GSG1L: variants seen among roughly 807,000 people sequenced by gnomAD.
GSG1L encodes the protein germ cell-specific gene 1-like protein.
A neutral mutation model predicts 42.1 loss-of-function variants in GSG1L; 24 were observed. The ratio of observed to expected loss-of-function variants is 0.57; its 90% CI spans 0.41 to 0.80. The LOEUF (loss-of-function observed/expected upper bound fraction) is 0.80, where lower values mean the gene tolerates loss of function less well. Among genes scored for constraint, GSG1L ranks in the 30% least tolerant of loss-of-function variants. The pLI is 0.00. For missense variants in GSG1L, 445 were observed against 472.2 expected (o/e 0.94, Z 0.53); for synonymous variants, 215 against 203.5 (o/e 1.06, Z -0.48).
intron 3 of GSG1L, among the ~76,000 whole-genome samples, chr16:27,849,907 T>C (rs1596554473): frequency 6.6e-6 from 1 of 150,888 alleles, no homozygotes; most frequent in Admixed American, 6.6e-5. Flanking sequence ...TAGGATGACA[T>C]CAAGAGTTTG....
At chr16:27,894,445 A>G (rs963053897) in intron 2 of GSG1L, among the ~76,000 whole-genome samples, 1 of 152,252 alleles carries the variant, frequency 6.6e-6, no homozygotes, top group South Asian at 2.1e-4. Flanking sequence ...CTCAAGACAC[A>G]GTGGCCTTTC....
At chr16:27,796,998 G>A (rs1024830513) in intron 6 of GSG1L, among the ~76,000 whole-genome samples, 3 of 152,156 alleles carry the variant, frequency 2.0e-5, no homozygotes, top group African/African-American at 7.2e-5. Flanking sequence ...CACTCCTGCT[G>A]TGTGCCAGGA....
chr16:27,956,772 A>C (rs1445864589), intron 2 of GSG1L, among the ~76,000 whole-genome samples: 1 of 152,110 alleles, frequency 6.6e-6, no homozygotes, highest in Non-Finnish European at 1.5e-5. Flanking sequence ...ACATGAGCTA[A>C]ACTCAAGAAA....
intron 6 of GSG1L, among the ~76,000 whole-genome samples, chr16:27,802,235 A>G (rs2082891094): frequency 2.0e-5 from 3 of 152,142 alleles, no homozygotes; most frequent in Admixed American, 6.5e-5. Flanking sequence ...ATTCGTCTCC[A>G]TGCTCCCAGG....
intron 1 of GSG1L, among the ~76,000 whole-genome samples, chr16:28,035,730 C>T (rs945315786): frequency 1.3e-5 from 2 of 152,170 alleles, no homozygotes; most frequent in African/African-American, 4.8e-5. Flanking sequence ...TCAGAGATTT[C>T]CTCATACAAC....
chr16:28,010,662 G>A (rs2085706821), intron 1 of GSG1L, among the ~76,000 whole-genome samples: 1 of 152,064 alleles, frequency 6.6e-6, no homozygotes, highest in Admixed American at 6.6e-5. Context: ...CCTCTGACAG[G>A]AGAAGCCATC....
intron 3 of GSG1L, among the ~76,000 whole-genome samples, chr16:27,868,385 G>A (rs1416611740): frequency 6.6e-6 from 1 of 152,228 alleles, no homozygotes; most frequent in African/African-American, 2.4e-5. Flanking sequence ...CATTTATTAA[G>A]CATCCTCTGT....
rs532099287 is a variant in GSG1L, at chr16:27,851,236, G to T, written c.551-6175C>A. Among the ~76,000 whole-genome samples, 55 of 152,248 alleles carry T rather than the reference G, an allele frequency of 3.6e-4. 1 individual carries two copies. The South Asian group carries it at 0.011, about 32-fold the overall frequency. ...TTTTAAGACAGGGTCTCGCTCTGTT[G>T]CCCGGGCTGGAGTGTAGGAGCACCA... On this transcript the variant is annotated intron_variant, in intron 3 of 6. Coordinates refer to ENST00000447459, the MANE Select transcript of GSG1L (RefSeq NM_001109763.2).
intron 1 of GSG1L, among the ~76,000 whole-genome samples, chr16:28,045,867 G>A (rs1306039812): frequency 6.6e-6 from 1 of 151,956 alleles, no homozygotes; most frequent in African/African-American, 2.4e-5. Flanking sequence ...ATGGTGGCAG[G>A]TGCCTGTAAT....
chr16:27,963,013 C>T lies in GSG1L; in HGVS notation c.397+143G>A, dbSNP rs578165245. On this transcript the variant is annotated intron_variant, in intron 2 of 6. Coordinates refer to ENST00000447459, the MANE Select transcript of GSG1L (RefSeq NM_001109763.2). ...AGAGCTCAAGAAACTCAGGGCTTTG[C>T]AACAGGGTGTCTGGCTCCCAGGGCC... The T allele has an allele frequency of 1.9e-4, 132 of 686,580 alleles. 1 individual carries two copies. The African/African-American group carries it at 2.2e-3, about 11-fold the overall frequency. The allele number at this position is 686,580 out of a possible 1,614,324, so 42.5% of individuals were successfully genotyped here. A position where few individuals can be genotyped will look rare whatever the true frequency, so the allele number is the denominator to read the frequency against.
chr16:27,917,681 T>G (rs1260994603), intron 2 of GSG1L, among the ~76,000 whole-genome samples: 1 of 152,176 alleles, frequency 6.6e-6, no homozygotes. Flanking sequence ...AGATGAGAAT[T>G]AAACCATCTT....
At chr16:27,909,025 G>A (rs375624211) in intron 2 of GSG1L, among the ~76,000 whole-genome samples, 24 of 152,054 alleles carry the variant, frequency 1.6e-4, no homozygotes, top group Non-Finnish European at 2.5e-4. Context: ...CTTACCAGCC[G>A]TAGGGACCTG....
Position 27,979,663 on chromosome 16 carries a change from G to GAAAGAAAGAAAGAAAGAAAGAA in GSG1L, c.350-16461_350-16460insTTCTTTCTTTCTTTCTTTCTTT, listed in dbSNP as rs35672057. Among the ~76,000 whole-genome samples, 293 of 83,682 alleles carry GAAAGAAAGAAAGAAAGAAAGAA rather than the reference G, an allele frequency of 3.5e-3. 14 individuals carry two copies. The highest frequency in any genetic ancestry group is 5.5e-3 in the South Asian group (9 of 1,624). The allele number at this position is 83,682 out of a possible 152,430, so 54.9% of individuals were successfully genotyped here. The stretch of plus-strand genomic sequence containing the variant: ...GAGGGGAAAGAAAGAAAGAAAGAAA[G>GAAAGAAAGAAAGAAAGAAAGAA]AGAGAGAGAGAGAGAGAAAGAAAGA... On this transcript the variant is annotated intron_variant, in intron 1 of 6. Coordinates refer to ENST00000447459, the MANE Select transcript of GSG1L (RefSeq NM_001109763.2).
intron 2 of GSG1L, among the ~76,000 whole-genome samples, chr16:27,958,321 C>T (rs925489311): frequency 2.0e-5 from 3 of 150,022 alleles, no homozygotes; most frequent in Non-Finnish European, 3.0e-5. Context: ...AGGAGAATTG[C>T]TTGAACCTGG....
rs149808044 is a variant in GSG1L, at chr16:27,923,774, G to A, written c.398-39136C>T. Among the ~76,000 whole-genome samples, 553 of 150,654 alleles carry A rather than the reference G, an allele frequency of 3.7e-3. 4 individuals are homozygous for A. The highest frequency in any genetic ancestry group is 0.013 in the African/African-American group (516 of 41,150). On this transcript the variant is annotated intron_variant, in intron 2 of 6. Coordinates refer to ENST00000447459, the MANE Select transcript of GSG1L (RefSeq NM_001109763.2). ...GAAGAAAGAAAGAAAGAAAGAAAGA[G>A]AGAGAGAGAAAGAAAGACAGAGAGA... is the stretch of plus-strand genomic sequence containing the variant.
intron 4 of GSG1L, among the ~76,000 whole-genome samples, chr16:27,840,291 C>A (rs1709790): frequency 0.38 from 57,332 of 151,808 alleles, 11,213 homozygotes; most frequent in African/African-American, 0.45. Context: ...CCCACCTTGG[C>A]CTCCCAAGGT....
intron 3 of GSG1L, among the ~76,000 whole-genome samples, chr16:27,874,038 C>A (rs1441775421): frequency 6.6e-6 from 1 of 152,142 alleles, no homozygotes. Context: ...GAGAGGGGAG[C>A]AGGTGACAGC....
Position 27,794,334 on chromosome 16 carries a change from C to CT in GSG1L, c.899-2868dup, listed in dbSNP as rs111671722. Among the ~76,000 whole-genome samples, 1,092 of 142,366 alleles carry CT rather than the reference C, an allele frequency of 7.7e-3. 16 individuals are homozygous for CT. The highest frequency in any genetic ancestry group is 0.022 in the African/African-American group (865 of 38,924). The allele number at this position is 142,366 out of a possible 152,430, so 93.4% of individuals were successfully genotyped here. ...TGCCCAGCTGGATCTTCAAAACTTT[C>CT]TTTTTTTTTTTTTTGAAACGGAGTC... On this transcript the variant is annotated intron_variant, in intron 6 of 6. Coordinates refer to ENST00000447459, the MANE Select transcript of GSG1L (RefSeq NM_001109763.2).
chr16:28,001,598 GC>G (rs2085578537), intron 1 of GSG1L, among the ~76,000 whole-genome samples: 3 of 152,162 alleles, frequency 2.0e-5, no homozygotes, highest in Admixed American at 2.0e-4. Flanking sequence ...CCAAAACAGG[GC>G]TTGTTTTTAG....
Sources: gnomAD v4.1 joint callset for allele counts (sites outside exome capture counted in the v4.1 genomes callset) on GRCh38, gnomAD v4.1.1 for gene constraint, MANE v1.5 for transcripts, NCBI Gene and HGNC (gene_info 2026-07-23, HGNC 2026-07-21) for gene names.